The following SLC9C1 variants were observed in gnomAD, a reference collection of about 807,000 sequenced individuals.
SLC9C1 encodes solute carrier family 9 member C1.
Under a neutral mutation model 140.9 loss-of-function variants are expected in SLC9C1, and 97 were observed. That is an observed-to-expected ratio of 0.69 (90% CI 0.58 to 0.82). SLC9C1 has a LOEUF of 0.82. SLC9C1 is among the 40% of genes least tolerant of loss of function. SLC9C1 has a pLI of 0.00. For missense variants in SLC9C1, 1,340 were observed against 1,389.3 expected (o/e 0.96, Z 0.56); for synonymous variants, 440 against 442.6 (o/e 0.99, Z 0.07).
chr3:112,230,726 C>A (rs558749345), intron 13 of SLC9C1, among the ~76,000 whole-genome samples: 1 of 152,146 alleles, frequency 6.6e-6, no homozygotes, highest in South Asian at 2.1e-4. Context: ...TGAGGAAGGG[C>A]CAATATGAAC....
intron 12 of SLC9C1, among the ~76,000 whole-genome samples, chr3:112,234,838 C>A (rs759161294): frequency 6.6e-6 from 1 of 151,988 alleles, no homozygotes; most frequent in Non-Finnish European, 1.5e-5. Context: ...TTGTCTAGAT[C>A]TCTGTTTTGG....
chr3:112,236,445 A>G (rs1249755775), intron 12 of SLC9C1, among the ~76,000 whole-genome samples: 2 of 152,088 alleles, frequency 1.3e-5, no homozygotes, highest in Non-Finnish European at 2.9e-5. Context: ...GATTTTTTGA[A>G]GGGATTTTAT....
At chr3:112,216,440 T>A (rs1351211404) in intron 15 of SLC9C1, among the ~76,000 whole-genome samples, 1 of 151,762 alleles carries the variant, frequency 6.6e-6, no homozygotes, top group East Asian at 1.9e-4. Flanking sequence ...TGGGAGAAAA[T>A]TTTTGCAATA....
rs780887811 is a variant in SLC9C1, at chr3:112,264,258, T to C, written c.964A>G (p.Ile322Val). The C allele has an allele frequency of 7.1e-7, 1 of 1,400,246 alleles. No homozygotes were observed. The highest frequency in any genetic ancestry group is 1.6e-5 in the South Asian group (1 of 62,446). 86.7% of individuals were successfully genotyped at this position (1,400,246 alleles called of 1,614,324 possible). A position where few individuals can be genotyped will look rare whatever the true frequency, so the allele number is the denominator to read the frequency against. Residue 322 changes from isoleucine to valine, a missense_variant, in exon 9 of 29, where the codon ATA becomes GTA. Coordinates refer to ENST00000305815, the MANE Select transcript of SLC9C1 (RefSeq NM_183061.3). Reference protein sequence around the residue: ...LLIPAHTYLYIEFVDIYYSLN... With the variant: ...LLIPAHTYLYVEFVDIYYSLN... ...GAATAGTATATATCAACAAATTCTA[T>C]ATACAAATATGTATGTGCAGGAATT...
intron 1 of SLC9C1, 101 bp from the exon 2 acceptor site, chr3:112,286,979 G>A: frequency 4.5e-6 from 2 of 443,596 alleles, no homozygotes; most frequent in Admixed American, 8.3e-5. Flanking sequence ...GATTTCTCGT[G>A]GTCTGCCAAA....
At chr3:112,194,100 G>A (rs2077721134) in intron 20 of SLC9C1, among the ~76,000 whole-genome samples, 1 of 152,146 alleles carries the variant, frequency 6.6e-6, no homozygotes, top group East Asian at 1.9e-4. Context: ...GATGGGTAGG[G>A]AGTGGGGCGT....
intron 10 of SLC9C1, among the ~76,000 whole-genome samples, chr3:112,253,261 G>A (rs6768781): frequency 0.016 from 2,481 of 152,220 alleles, 64 homozygotes; most frequent in African/African-American, 0.055. Flanking sequence ...CACTGTTGCC[G>A]CCAAGTTGGG....
At chr3:112,247,763 T>C (rs199838963) in intron 10 of SLC9C1, among the ~76,000 whole-genome samples, 1 of 26,326 alleles carries the variant, frequency 3.8e-5, no homozygotes, top group Non-Finnish European at 1.0e-4. Context: ...ATATACATTT[T>C]ATAATATCAG....
At chr3:112,256,643 T>C (rs62276970) in intron 10 of SLC9C1, among the ~76,000 whole-genome samples, 57,028 of 152,040 alleles carry the variant, frequency 0.38, 10,919 homozygotes, top group Middle Eastern at 0.42. Context: ...TGCATTCTTC[T>C]TGAATACTGG....
chr3:112,285,150 C>T (rs2080472141), intron 2 of SLC9C1, among the ~76,000 whole-genome samples: 1 of 151,610 alleles, frequency 6.6e-6, no homozygotes, highest in Non-Finnish European at 1.5e-5. Flanking sequence ...CCATGCCTGG[C>T]TAATTTTTTG....
At chr3:112,218,744 G>C (rs949677025) in intron 14 of SLC9C1, among the ~76,000 whole-genome samples, 2 of 152,010 alleles carry the variant, frequency 1.3e-5, no homozygotes, top group African/African-American at 4.8e-5. Flanking sequence ...ATAAATGAGA[G>C]GGCTCCCTGG....
In SLC9C1 at chr3:112,194,761, G is replaced by T. The variant is rs190477417; in HGVS notation, c.2523+4560C>A. ...TACTTTTCCAACAACAGTGTACAAG[G>T]GTTCCAATTTCTCCACACCCTCACC... On this transcript the variant is annotated intron_variant, in intron 20 of 28. Transcript: ENST00000305815. 4.3e-3 allele frequency among the ~76,000 whole-genome samples: 646 copies of T among 151,536 alleles called. 3 individuals are homozygous for T. The highest frequency in any genetic ancestry group is 7.2e-3 in the Non-Finnish European group (490 of 67,892).
Position 112,244,032 on chromosome 3 carries a change from GACA to G in SLC9C1, c.1239_1241del (p.Val414del). 1 of 1,605,456 alleles carries G rather than the reference GACA, an allele frequency of 6.2e-7. No homozygotes were observed. The highest frequency in any genetic ancestry group is 8.5e-7 in the Non-Finnish European group (1 of 1,175,264). On this transcript the variant is annotated inframe_deletion, in exon 11 of 29. Transcript: ENST00000305815. ...CTGCCACTGGCAAAATAAATCTATT[GACA>G]ACAAGGGTTATTAGGCATACTAACA... is the stretch of plus-strand genomic sequence containing the variant.
rs1303689194 is a variant in SLC9C1 at position 112,278,688 on chromosome 3, TG to T, written c.318+40del. 10 of 1,557,490 alleles carry T rather than the reference TG, an allele frequency of 6.4e-6. No homozygotes were observed. The African/African-American group carries it at 1.4e-4, about 22-fold the overall frequency. ...TAAAAATTTGAACATAGATAATATG[TG>T]GTTCATGAATGAATGATATTACCAA... On this transcript the variant is annotated intron_variant, in intron 4 of 28. Transcript: ENST00000305815.
chr3:112,169,085 A>G (rs1360008673), intron 24 of SLC9C1, 23 bp from the exon 25 acceptor site: 1 of 1,575,550 alleles, frequency 6.3e-7, no homozygotes, highest in Non-Finnish European at 8.6e-7. Context: ...ACACAATTTC[A>G]GTCTATTATT....
chr3:112,260,028 G>T lies in SLC9C1; in HGVS notation c.1197+2896C>A, dbSNP rs898239053. Among the ~76,000 whole-genome samples the T allele has an allele frequency of 2.6e-5, 4 of 152,132 alleles. No homozygotes were observed. The East Asian group carries it at 5.8e-4, about 22-fold the overall frequency. On this transcript the variant is annotated intron_variant, in intron 10 of 28. Transcript: ENST00000305815. ...CAATTGGATCCTATTTGTCAATGAT[G>T]ATTTCAATTCTTTCATGTCTTTGCT... is the stretch of plus-strand genomic sequence containing the variant.
chr3:112,220,666 G>A (rs2078515937), intron 14 of SLC9C1, among the ~76,000 whole-genome samples: 1 of 152,142 alleles, frequency 6.6e-6, no homozygotes, highest in African/African-American at 2.4e-5. Flanking sequence ...TTATTTTGGA[G>A]ACCTATATCT....
rs73853373 is a variant in SLC9C1 at position 112,247,891 on chromosome 3, G to C, written c.1198-3815C>G. ...CTCTTGAGTGTGTGTGTGTGTGTGT[G>C]TGTGTGTGTATCTCACACGCTGAAA... is the stretch of plus-strand genomic sequence containing the variant. On this transcript the variant is annotated intron_variant, in intron 10 of 28. Coordinates refer to ENST00000305815, the MANE Select transcript of SLC9C1 (RefSeq NM_183061.3). 7.7e-3 allele frequency among the ~76,000 whole-genome samples: 1,163 copies of C among 150,854 alleles called. 18 individuals carry two copies. The highest frequency in any genetic ancestry group is 0.025 in the African/African-American group (1,043 of 41,130).
chr3:112,208,770 A>AT (rs1292057793), intron 15 of SLC9C1, among the ~76,000 whole-genome samples: 1 of 152,194 alleles, frequency 6.6e-6, no homozygotes, highest in Non-Finnish European at 1.5e-5. Context: ...TATTGTTCCA[A>AT]CTTTTTATGT....
Sources: allele counts gnomAD v4.1 joint callset (sites outside exome capture counted in the v4.1 genomes callset), GRCh38; gene constraint gnomAD v4.1.1; transcripts MANE v1.5; gene names NCBI Gene and HGNC (gene_info 2026-07-23, HGNC 2026-07-21).